Variants in CPNE8 observed in about 807,000 individuals in gnomAD.
CPNE8 encodes the protein copine 8.
CPNE8 carries 45 observed loss-of-function variants against 81.5 expected under a neutral mutation model. The observed-to-expected ratio is 0.55, with a 90% confidence interval of 0.44 to 0.71. The LOEUF is 0.71. Among genes scored for constraint, CPNE8 ranks in the 30% least tolerant of loss-of-function variants. CPNE8 has a pLI of 0.00. For missense variants in CPNE8, 594 were observed against 672.1 expected, an observed-to-expected ratio of 0.88 and a Z score of 1.28; for synonymous variants, 252 against 226.3, an observed-to-expected ratio of 1.11 and a Z score of -1.02.
At chr12:38,833,351 C>CAAAAAAAAA (rs774534221) in intron 5 of CPNE8, among the ~76,000 whole-genome samples, 8 of 61,880 alleles carry the variant, frequency 1.3e-4, no homozygotes, top group African/African-American at 2.6e-4. Context: ...GACCTTATCT[C>CAAAAAAAAA]AAAAAAAAAA....
In CPNE8 at chr12:38,904,829, A is replaced by G. The variant is rs185104431; in HGVS notation, c.98+608T>C. Among the ~76,000 whole-genome samples the G allele has an allele frequency of 2.8e-3, 422 of 152,182 alleles. 1 individual carries two copies. Among genetic ancestry groups the G allele is most frequent in the African/African-American group, 9.7e-3 (403 of 41,512 alleles). ...GATGTGGGCCCGAAAACAAATCAAAACAAAAGTCGTGACTTCCCAGATCTT... is the reference window on the plus strand; with the variant it reads ...GATGTGGGCCCGAAAACAAATCAAAGCAAAAGTCGTGACTTCCCAGATCTT... On this transcript the variant is annotated intron_variant, in intron 1 of 19. Transcript: ENST00000331366.
intron 5 of CPNE8, among the ~76,000 whole-genome samples, chr12:38,835,636 A>C (rs929455146): frequency 2.6e-5 from 4 of 152,200 alleles, no homozygotes; most frequent in Non-Finnish European, 4.4e-5. Flanking sequence ...ATCTATATAT[A>C]CGTTAAATTA....
At position 38,885,636 on chromosome 12, in the gene CPNE8, C is replaced by CT. The variant is rs896289642; in HGVS notation, c.99-11126dup. Among the ~76,000 whole-genome samples, 26 of 149,508 alleles carry CT rather than the reference C, an allele frequency of 1.7e-4. 1 individual carries two copies. The highest frequency in any genetic ancestry group is 3.4e-3 in the Middle Eastern group (1 of 292). On this transcript the variant is annotated intron_variant, in intron 1 of 19. Transcript: ENST00000331366. ...GTGTGCAAGTATTATCTATTTCAAT[C>CT]TTTTTTTTTTAACTGCTTCCTCTAC...
chr12:38,868,086 T>G (rs1943941452), intron 3 of CPNE8, among the ~76,000 whole-genome samples: 1 of 152,118 alleles, frequency 6.6e-6, no homozygotes, highest in Non-Finnish European at 1.5e-5. Context: ...TCATATGGCT[T>G]GTTATATACA....
chr12:38,869,330 G>A lies in CPNE8; in HGVS notation c.186+3674C>T, dbSNP rs912418542. 1.3e-4 allele frequency among the ~76,000 whole-genome samples: 20 copies of A among 152,106 alleles called. 1 individual carries two copies. The highest frequency in any genetic ancestry group is 1.3e-3 in the Admixed American group (20 of 15,270). Reference sequence around the variant, plus strand: ...TTAGAATTATAATGTATCCTTAATTGTATAGTACTTCTTATGTGCCAGATA... The same window carrying A: ...TTAGAATTATAATGTATCCTTAATTATATAGTACTTCTTATGTGCCAGATA... On this transcript the variant is annotated intron_variant, in intron 3 of 19. Coordinates refer to ENST00000331366, the MANE Select transcript of CPNE8 (RefSeq NM_153634.3).
In CPNE8 at chr12:38,709,739, G is replaced by T. The variant is rs536826995; in HGVS notation, c.915-6818C>A. Among the ~76,000 whole-genome samples the T allele has an allele frequency of 3.9e-5, 6 of 152,232 alleles. No homozygotes were observed. The East Asian group carries it at 1.2e-3, about 29-fold the overall frequency. On this transcript the variant is annotated intron_variant, in intron 13 of 19. Transcript: ENST00000331366. The stretch of plus-strand genomic sequence containing the variant: ...AGGTTCAGGTTATTGCAAAGAATCT[G>T]ATGCTCCCATGTCAGATTTCCTTTC...
chr12:38,713,141 C>T (rs908025385), intron 13 of CPNE8, among the ~76,000 whole-genome samples: 3 of 152,134 alleles, frequency 2.0e-5, no homozygotes, highest in African/African-American at 7.2e-5. Context: ...TGCCAGAACC[C>T]AAATTCTTTG....
At chr12:38,753,375 C>T (rs1344921134) in intron 10 of CPNE8, among the ~76,000 whole-genome samples, 2 of 152,186 alleles carry the variant, frequency 1.3e-5, no homozygotes, top group Non-Finnish European at 2.9e-5. Flanking sequence ...TCACCTGAAT[C>T]TGGGAAGCAG....
At chr12:38,853,446 C>G (rs913408498) in intron 3 of CPNE8, among the ~76,000 whole-genome samples, 1 of 151,908 alleles carries the variant, frequency 6.6e-6, no homozygotes, top group African/African-American at 2.4e-5. Context: ...ACCTCTGGCA[C>G]AATGTACATG....
At chr12:38,873,094 A>C (rs779351208) in intron 2 of CPNE8, 44 bp from the exon 3 acceptor site, 5 of 1,194,402 alleles carry the variant, frequency 4.2e-6, no homozygotes, top group Non-Finnish European at 6.1e-6. Flanking sequence ...GTCTTTTATG[A>C]AAATCATATG....
intron 1 of CPNE8, among the ~76,000 whole-genome samples, chr12:38,895,188 A>G (rs1944373178): frequency 6.6e-6 from 1 of 152,154 alleles, no homozygotes; most frequent in African/African-American, 2.4e-5. Flanking sequence ...AGAATAATGT[A>G]CTGATATTAA....
At chr12:38,715,951 G>T (rs1369054646) in intron 13 of CPNE8, among the ~76,000 whole-genome samples, 3 of 151,930 alleles carry the variant, frequency 2.0e-5, no homozygotes, top group African/African-American at 7.3e-5. Context: ...AAAGTCTCAG[G>T]TTACAAAATC....
intron 13 of CPNE8, among the ~76,000 whole-genome samples, chr12:38,710,504 G>A (rs1303261019): frequency 6.6e-6 from 1 of 152,018 alleles, no homozygotes; most frequent in African/African-American, 2.4e-5. Context: ...TGACAGACAG[G>A]TAACAACCAC....
chr12:38,681,694 A>T (rs1044805165), intron 16 of CPNE8, among the ~76,000 whole-genome samples: 1 of 152,228 alleles, frequency 6.6e-6, no homozygotes, highest in Non-Finnish European at 1.5e-5. Flanking sequence ...AGGCTGCAGT[A>T]TGAAATCCTA....
intron 19 of CPNE8, among the ~76,000 whole-genome samples, chr12:38,663,819 C>T (rs752782393): frequency 9.9e-5 from 15 of 152,130 alleles, no homozygotes; most frequent in African/African-American, 1.9e-4. Flanking sequence ...CTGTCACTTG[C>T]GGCAGCATGG....
chr12:38,732,815 A>G (rs1435223122), intron 10 of CPNE8, among the ~76,000 whole-genome samples: 1 of 151,978 alleles, frequency 6.6e-6, no homozygotes, highest in African/African-American at 2.4e-5. Context: ...GATAGAACAT[A>G]CATAAATGAA....
chr12:38,845,464 G>T (rs1159228299), intron 4 of CPNE8, among the ~76,000 whole-genome samples: 1 of 152,076 alleles, frequency 6.6e-6, no homozygotes, highest in Non-Finnish European at 1.5e-5. Context: ...AGTTCTCTGG[G>T]TAGTAGAGGT....
chr12:38,895,314 T>TG (rs1461294731), intron 1 of CPNE8, among the ~76,000 whole-genome samples: 1 of 152,124 alleles, frequency 6.6e-6, no homozygotes, highest in Non-Finnish European at 1.5e-5. Context: ...ACTTCCCCAG[T>TG]GCTAAGAAAG....
intron 18 of CPNE8, among the ~76,000 whole-genome samples, chr12:38,672,039 T>G (rs1939187452): frequency 6.6e-6 from 1 of 152,190 alleles, no homozygotes; most frequent in Non-Finnish European, 1.5e-5. Context: ...AAATAATACT[T>G]TTTATATCTA....
Sources: gnomAD v4.1 joint callset for allele counts (sites outside exome capture counted in the v4.1 genomes callset) on GRCh38, gnomAD v4.1.1 for gene constraint, MANE v1.5 for transcripts, NCBI Gene and HGNC (gene_info 2026-07-23, HGNC 2026-07-21) for gene names.